Variants in ACSM1 observed in about 807,000 individuals in gnomAD.
ACSM1 encodes acyl-coenzyme A synthetase ACSM1, mitochondrial.
In ACSM1, 79 loss-of-function variants were observed where a neutral mutation model predicts 75.8. That is an observed-to-expected ratio of 1.04 (90% CI 0.87 to 1.26). The LOEUF (loss-of-function observed/expected upper bound fraction) is 1.26. Ranked by LOEUF, ACSM1 falls within the 50% of genes most tolerant of loss-of-function variation. ACSM1 has a pLI of 0.00. For missense variants in ACSM1, 676 were observed against 720.1 expected (o/e 0.94, Z 0.70); for synonymous variants, 279 against 265.8 (o/e 1.05, Z -0.48).
At chr16:20,671,381 A>G (rs2152271611) in intron 5 of ACSM1, 150 bp downstream of exon 5, 1 of 812,858 alleles carries the variant, frequency 1.2e-6, no homozygotes, top group East Asian at 3.1e-5. Context: ...GGTCTGAACA[A>G]AAGAGAGTGG....
At chr16:20,657,923 C>A (rs1287582253) in intron 7 of ACSM1, among the ~76,000 whole-genome samples, 2 of 151,982 alleles carry the variant, frequency 1.3e-5, no homozygotes, top group Non-Finnish European at 2.9e-5. Flanking sequence ...TATGTCCCTG[C>A]AAACGTCATG....
intron 2 of ACSM1, among the ~76,000 whole-genome samples, chr16:20,686,706 T>C (rs2079559503): frequency 1.3e-5 from 2 of 151,888 alleles, no homozygotes; most frequent in Non-Finnish European, 2.9e-5. Flanking sequence ...CCCAGCTACT[T>C]GGGAGGCTGA....
intron 9 of ACSM1, chr16:20,637,120 C>T (rs2017762356): frequency 2.6e-6 from 2 of 759,402 alleles, no homozygotes; most frequent in Non-Finnish European, 2.4e-6. Context: ...GAGAGGGCTC[C>T]CAGTGCAGCC....
chr16:20,636,686 G>A, intron 10 of ACSM1, 53 bp downstream of exon 10: 2 of 1,324,920 alleles, frequency 1.5e-6, no homozygotes, highest in Admixed American at 3.5e-5. Context: ...AGGATGCAGA[G>A]CTCCCTGTTG....
chr16:20,649,186 T>A (rs2018515494), intron 7 of ACSM1, among the ~76,000 whole-genome samples: 1 of 152,102 alleles, frequency 6.6e-6, no homozygotes, highest in Non-Finnish European at 1.5e-5. Context: ...TTTTATTTTA[T>A]TTTATTTTAT....
At chr16:20,641,977 C>T (rs1027494002) in intron 7 of ACSM1, among the ~76,000 whole-genome samples, 28 of 152,144 alleles carry the variant, frequency 1.8e-4, no homozygotes, top group African/African-American at 5.3e-4. Context: ...ACATGTATTA[C>T]GAAGAGTGGG....
At chr16:20,626,734 T>C (rs2016945683) in intron 11 of ACSM1, among the ~76,000 whole-genome samples, 1 of 151,864 alleles carries the variant, frequency 6.6e-6, no homozygotes, top group Admixed American at 6.6e-5. Context: ...AATTTTATAA[T>C]AATAGATTTA....
intron 4 of ACSM1, chr16:20,674,626 G>C (rs947976349): frequency 6.6e-6 from 1 of 152,304 alleles, no homozygotes; most frequent in African/African-American, 2.4e-5. Flanking sequence ...TGGCCCATAT[G>C]GGGATTGGAG....
intron 7 of ACSM1, among the ~76,000 whole-genome samples, chr16:20,644,142 A>G (rs2018227105): frequency 6.6e-6 from 1 of 152,234 alleles, no homozygotes. Flanking sequence ...TCAACTCTCA[A>G]GACCACTGAC....
chr16:20,679,826 T>A (rs1050448858), intron 4 of ACSM1: 1 of 152,196 alleles, frequency 6.6e-6, no homozygotes, highest in Admixed American at 6.5e-5. Flanking sequence ...CCCTATGAAT[T>A]CTGGTTTGAA....
intron 7 of ACSM1, among the ~76,000 whole-genome samples, chr16:20,654,060 T>G (rs1460542283): frequency 6.6e-6 from 1 of 152,092 alleles, no homozygotes; most frequent in African/African-American, 2.4e-5. Context: ...AACAGACATA[T>G]AGACCAATGG....
At chr16:20,631,117 A>T (rs2017315769) in intron 10 of ACSM1, among the ~76,000 whole-genome samples, 1 of 152,204 alleles carries the variant, frequency 6.6e-6, no homozygotes, top group Non-Finnish European at 1.5e-5. Flanking sequence ...TAAACAATAG[A>T]TATTATCTCT....
intron 4 of ACSM1, 24 bp from the exon 5 acceptor site, chr16:20,671,695 G>C: frequency 6.7e-7 from 1 of 1,498,692 alleles, no homozygotes; most frequent in South Asian, 1.3e-5. Flanking sequence ...CAAGACAAAA[G>C]GAAAAAAGTC....
chr16:20,630,762 C>G (rs1209438937), intron 10 of ACSM1, among the ~76,000 whole-genome samples: 1 of 152,096 alleles, frequency 6.6e-6, no homozygotes, highest in African/African-American at 2.4e-5. Flanking sequence ...AAGGATGGAC[C>G]ATATATTAGG....
chr16:20,675,233 C>G (rs993850187), intron 4 of ACSM1, among the ~76,000 whole-genome samples: 1 of 151,986 alleles, frequency 6.6e-6, no homozygotes, highest in Non-Finnish European at 1.5e-5. Context: ...TTGTTTTGTC[C>G]GATGAGGAGT....
At chr16:20,649,171 C>T (rs2018513332) in intron 7 of ACSM1, among the ~76,000 whole-genome samples, 1 of 128,174 alleles carries the variant, frequency 7.8e-6, no homozygotes, top group African/African-American at 3.4e-5. Flanking sequence ...GAGGACAAAG[C>T]TCTGTTTTAT....
rs578181180 is a variant in ACSM1, at chr16:20,640,468, G to A, written c.1109C>T (p.Ser370Leu). Residue 370 changes from serine (S) to leucine (L), a missense_variant, in exon 8 of 14, where the codon TCG becomes TTG. Coordinates refer to ENST00000520010, the MANE Select transcript of ACSM1 (RefSeq NM_001318890.3). ...GLLLYENYGQSETGLICATYW... is the reference protein window; with the variant it reads ...GLLLYENYGQLETGLICATYW... The stretch of plus-strand genomic sequence containing the variant: ...CTGGTTTGCACCACCTACCGTTTCC[G>A]ACTGCCCATAGTTCTCGTAGAGCAG... 3.0e-5 allele frequency: 49 copies of A among 1,614,036 alleles called. No individual in the cohort carries two copies. Among genetic ancestry groups the A allele is most frequent in the Middle Eastern group, 1.7e-4 (1 of 6,056 alleles).
chr16:20,664,332 A>G (rs996662696), intron 6 of ACSM1, among the ~76,000 whole-genome samples: 5 of 152,094 alleles, frequency 3.3e-5, no homozygotes, highest in Admixed American at 1.3e-4. Context: ...CAAATGAAAA[A>G]CAGAAAAGAG....
intron 3 of ACSM1, among the ~76,000 whole-genome samples, chr16:20,683,593 C>T (rs2079489032): frequency 6.6e-6 from 1 of 150,754 alleles, no homozygotes; most frequent in Admixed American, 6.6e-5. Flanking sequence ...AATGTCCTTC[C>T]TTTGTTTCTA....
Sources: allele counts gnomAD v4.1 joint callset (sites outside exome capture counted in the v4.1 genomes callset), GRCh38; gene constraint gnomAD v4.1.1; transcripts MANE v1.5; gene names NCBI Gene and HGNC (gene_info 2026-07-23, HGNC 2026-07-21).